Variants in KLF3 observed in about 807,000 individuals in gnomAD.
KLF3 encodes Krueppel-like factor 3.
A neutral mutation model predicts 32.7 loss-of-function variants in KLF3; 6 were observed. The ratio of observed to expected loss-of-function variants is 0.18; its 90% confidence interval spans 0.10 to 0.36. The LOEUF (loss-of-function observed/expected upper bound fraction) is 0.36, where lower values mean the gene tolerates loss of function less well. Among genes scored for constraint, KLF3 ranks in the 10% least tolerant of loss-of-function variants. The pLI is 1.00. For synonymous variants in KLF3, 145 were observed against 172.8 expected, an observed-to-expected ratio of 0.84 and a Z score of 1.26; for missense variants, 338 against 449.7, an observed-to-expected ratio of 0.75 and a Z score of 2.25.
intron 1 of KLF3, among the ~76,000 whole-genome samples, chr4:38,679,108 G>A (rs1013706544): frequency 1.3e-5 from 2 of 152,196 alleles, no homozygotes; most frequent in Non-Finnish European, 2.9e-5. Context: ...AAAAAGACAG[G>A]ACAGGATCAA....
Position 38,697,355 on chromosome 4 carries a change from C to A in KLF3, c.*92C>A. 1 of 1,190,512 alleles carries A rather than the reference C, an allele frequency of 8.4e-7. No individual in the cohort carries two copies. Among genetic ancestry groups the A allele is most frequent in the Non-Finnish European group, 1.2e-6 (1 of 850,588 alleles). The allele number at this position is 1,190,512 out of a possible 1,614,324, so 73.7% of individuals were successfully genotyped here. On this transcript the variant is annotated 3_prime_UTR_variant, in exon 6 of 6. Transcript: ENST00000261438. Reference sequence around the variant, plus strand: ...TTATCTAACACATTTTTTACATGTACATTTTAATTTGATTCAGCTGGTCTG... The same window carrying A: ...TTATCTAACACATTTTTTACATGTAAATTTTAATTTGATTCAGCTGGTCTG...
At chr4:38,691,668 G>A (rs1198649724) in intron 4 of KLF3, among the ~76,000 whole-genome samples, 1 of 152,288 alleles carries the variant, frequency 6.6e-6, no homozygotes. Flanking sequence ...AAGCTCAGTG[G>A]CTTTTAATGA....
At position 38,694,732 on chromosome 4, in the gene KLF3, C is replaced by CT; in HGVS notation, c.696-12dup. On this transcript the variant is annotated splice_polypyrimidine_tract_variant and intron_variant, in intron 4 of 5. Coordinates refer to ENST00000261438, the MANE Select transcript of KLF3 (RefSeq NM_016531.6). The stretch of plus-strand genomic sequence containing the variant: ...GTGCTCTCAACATTTGGCCTGTAAC[C>CT]TTGGCTTTCACAGGAATCACCCTTC... The CT allele has an allele frequency of 6.5e-7, 1 of 1,543,778 alleles. No individual in the cohort carries two copies. Among genetic ancestry groups the CT allele is most frequent in the South Asian group, 1.3e-5 (1 of 78,322 alleles).
intron 4 of KLF3, among the ~76,000 whole-genome samples, chr4:38,691,615 A>T (rs139366466): frequency 6.6e-6 from 1 of 152,386 alleles, no homozygotes; most frequent in African/African-American, 2.4e-5. Context: ...TGCTGCTCAA[A>T]AGAAAATACT....
In KLF3 at chr4:38,688,638, C is replaced by G. The variant is rs1722770390; in HGVS notation, c.111C>G (p.Ile37Met). The G allele has an allele frequency of 1.2e-6, 2 of 1,613,962 alleles. No homozygotes were observed. The highest frequency in any genetic ancestry group is 1.7e-6 in the Non-Finnish European group (2 of 1,179,836). ...ESMKPNKYGV[I>M]YSTPLPEKFF... ...TGAAGCCTAACAAGTATGGGGTCAT[C>G]TACTCCACACCATTGCCTGAGAAGT... Residue 37 changes from isoleucine to methionine, a missense_variant, in exon 3 of 6, where the codon ATC becomes ATG. Around this residue, in one of 2 missense-constraint regions of KLF3, gnomAD observed 272 missense variants for 313.4 expected, o/e 0.87. Transcript: ENST00000261438. The surrounding 1 kb of genome is among the most constrained non-coding windows in gnomAD (Gnocchi z 4.9).
intron 4 of KLF3, among the ~76,000 whole-genome samples, chr4:38,691,708 G>A (rs1236158011): frequency 2.0e-5 from 3 of 152,158 alleles, no homozygotes; most frequent in African/African-American, 7.2e-5. Flanking sequence ...TTTTAATGCT[G>A]ACCTAAGAAT....
chr4:38,687,029 C>A (rs1307095924), intron 2 of KLF3, among the ~76,000 whole-genome samples: 2 of 152,162 alleles, frequency 1.3e-5, no homozygotes, highest in Non-Finnish European at 2.9e-5. Flanking sequence ...TCATAACTCA[C>A]AATAGTGGCC....
chr4:38,672,853 C>A (rs1722238786), intron 1 of KLF3, among the ~76,000 whole-genome samples: 1 of 151,938 alleles, frequency 6.6e-6, no homozygotes, highest in Admixed American at 6.5e-5. Flanking sequence ...AGGGCCTGGC[C>A]CCCAAGGCAG....
intron 4 of KLF3, among the ~76,000 whole-genome samples, chr4:38,691,740 C>A (rs115229400): frequency 1.3e-5 from 2 of 152,102 alleles, no homozygotes; most frequent in Non-Finnish European, 2.9e-5. Flanking sequence ...CTCAAAAAAA[C>A]GCAACAGATT....
chr4:38,666,377 CCTTTTTTTTT>C (rs1041601092), intron 1 of KLF3, among the ~76,000 whole-genome samples: 6 of 151,758 alleles, frequency 4.0e-5, no homozygotes, highest in East Asian at 1.9e-4. Context: ...CTCTTTTTTT[CCTTTTTTTTT>C]CTTTTTTTTT....
intron 1 of KLF3, among the ~76,000 whole-genome samples, chr4:38,672,355 C>T (rs1326491057): frequency 1.3e-5 from 2 of 152,152 alleles, no homozygotes; most frequent in South Asian, 4.1e-4. Context: ...CTGTCCTTCC[C>T]AGTACTGGTG....
rs1722783094 is a variant in KLF3 at position 38,688,847 on chromosome 4, A to G, written c.320A>G (p.Tyr107Cys). 1 of 1,613,786 alleles carries G rather than the reference A, an allele frequency of 6.2e-7. No individual in the cohort carries two copies. The highest frequency in any genetic ancestry group is 1.3e-5 in the African/African-American group (1 of 74,788). ...MPSSSPPIKK[Y>C]SPPSPGVQPF... ...TCTTCCAGCCCACCGATAAAAAAAT[A>G]CTCACCCCCTTCTCCAGGCGTGCAG... Residue 107 changes from tyrosine (Y) to cysteine (C), a missense_variant, in exon 3 of 6, where the codon TAC (tyrosine) becomes TGC (cysteine). Tyr to Cys is a radical substitution (Grantham distance 194). Transcript: ENST00000261438. The surrounding 1 kb of genome is among the most constrained non-coding windows in gnomAD (Gnocchi z 4.9).
chr4:38,694,456 A>G (rs539651558), intron 4 of KLF3, among the ~76,000 whole-genome samples: 1 of 152,098 alleles, frequency 6.6e-6, no homozygotes, highest in Admixed American at 6.5e-5. Context: ...ACTTATCTCC[A>G]TGTCTGTCTC....
At position 38,688,998 on chromosome 4, in the gene KLF3, C is replaced by T. The variant is rs748527189; in HGVS notation, c.471C>T (p.Tyr157=). The change falls in exon 3 of 6, where the codon TAC becomes TAT. Residue 157 remains tyrosine (Y), a synonymous_variant. Transcript: ENST00000261438. The surrounding 1 kb of genome is among the most constrained non-coding windows in gnomAD (Gnocchi z 4.9). ...TGGTGCAGCCCGTCCCCTTTATGTA[C>T]ACAAGTCACCTCCAGCAGCCTCTCA... is the stretch of plus-strand genomic sequence containing the variant. ...PVVVQPVPFM[Y]TSHLQQPLMV... The T allele has an allele frequency of 1.2e-6, 2 of 1,614,128 alleles. No homozygotes were observed. Among genetic ancestry groups the T allele is most frequent in the Non-Finnish European group, 1.7e-6 (2 of 1,180,052 alleles).
Position 38,674,045 on chromosome 4 carries a change from C to T in KLF3, c.-39-6542C>T, listed in dbSNP as rs117165215. Among the ~76,000 whole-genome samples, 269 of 152,268 alleles carry T rather than the reference C, an allele frequency of 1.8e-3. 4 individuals are homozygous for T. In the East Asian group the frequency reaches 0.024, roughly 13 times the overall value. ...ACACATTAATGCAAAATAACTAATTCATGAGGGGCGAAGATTTAGAAACAC... is the reference window on the plus strand; with the variant it reads ...ACACATTAATGCAAAATAACTAATTTATGAGGGGCGAAGATTTAGAAACAC... On this transcript the variant is annotated intron_variant, in intron 1 of 5. Transcript: ENST00000261438. This position sits in a 1 kb window ranked among gnomAD's most constrained non-coding sequence, Gnocchi z 4.1.
chr4:38,680,975 G>A lies in KLF3; in HGVS notation c.57+293G>A, dbSNP rs1283937350. 12 of 263,990 alleles carry A rather than the reference G, an allele frequency of 4.5e-5. No homozygotes were observed. In the South Asian group the frequency reaches 4.8e-4, roughly 11 times the overall value. 16.4% of individuals were successfully genotyped at this position (263,990 alleles called of 1,614,324 possible). ...TGAGGCAGGAGAGTCGCTTGAACCC[G>A]GGAGATGTAGGTTACAGTGAGCCGA... is the stretch of plus-strand genomic sequence containing the variant. On this transcript the variant is annotated intron_variant, in intron 2 of 5. Transcript: ENST00000261438.
chr4:38,700,538 A>G lies in KLF3; in HGVS notation c.*3275A>G, dbSNP rs1188741635. ...TTGCTAAATGATCGCAAATTCACCT[A>G]AACAATACATTTACAAAGCCATCTT... On this transcript the variant is annotated 3_prime_UTR_variant, in exon 6 of 6. Transcript: ENST00000261438. 1 of 152,232 alleles carries G rather than the reference A, an allele frequency of 6.6e-6. No individual in the cohort carries two copies. Among genetic ancestry groups the G allele is most frequent in the East Asian group, 1.9e-4 (1 of 5,198 alleles). The allele number at this position is 152,232 out of a possible 1,614,324, so 9.4% of individuals were successfully genotyped here.
In KLF3 at chr4:38,688,861, C is replaced by G; in HGVS notation, c.334C>G (p.Pro112Ala). ...GATAAAAAAATACTCACCCCCTTCT[C>G]CAGGCGTGCAGCCCTTCGGCGTGCC... ...PPIKKYSPPS[P>A]GVQPFGVPLS... is the part of the protein sequence containing the mutation. Residue 112 changes from proline (P) to alanine (A), a missense_variant, in exon 3 of 6, where the codon CCA (proline) becomes GCA (alanine). Coordinates refer to ENST00000261438, the MANE Select transcript of KLF3 (RefSeq NM_016531.6). The surrounding 1 kb of genome is among the most constrained non-coding windows in gnomAD (Gnocchi z 4.9). 1 of 1,614,258 alleles carries G rather than the reference C, an allele frequency of 6.2e-7. No homozygotes were observed. Among genetic ancestry groups the G allele is most frequent in the Non-Finnish European group, 8.5e-7 (1 of 1,180,044 alleles).
At position 38,678,974 on chromosome 4, in the gene KLF3, A is replaced by G. The variant is rs142038837; in HGVS notation, c.-39-1613A>G. On this transcript the variant is annotated intron_variant, in intron 1 of 5. Transcript: ENST00000261438. ...TGTAACTGAGGAGACACATTTGAAC[A>G]TTGAGCAGACTGAATATTTTGTCCT... Among the ~76,000 whole-genome samples the G allele has an allele frequency of 1.5e-3, 223 of 152,342 alleles. 1 individual carries two copies. The highest frequency in any genetic ancestry group is 5.1e-3 in the African/African-American group (212 of 41,584).
Sources: gnomAD v4.1 joint callset for allele counts (sites outside exome capture counted in the v4.1 genomes callset) on GRCh38, gnomAD v4.1.1 for gene constraint, gnomAD v4.1.1 regional missense constraint, Gnocchi (gnomAD v3.1) non-coding constraint, MANE v1.5 for transcripts, NCBI Gene and HGNC (gene_info 2026-07-23, HGNC 2026-07-21) for gene names.